TMEFF2: variants seen among roughly 807,000 people sequenced by gnomAD.
TMEFF2 encodes tomoregulin-2.
TMEFF2 carries 28 observed loss-of-function variants against 53.8 expected under a neutral mutation model. The observed-to-expected ratio is 0.52, with a 90% CI of 0.39 to 0.71. The LOEUF (loss-of-function observed/expected upper bound fraction) is 0.71, where lower values mean the gene tolerates loss of function less well. Ranked by LOEUF, TMEFF2 falls within the 30% of genes least tolerant of loss-of-function variation. The probability of loss-of-function intolerance (pLI) is 0.00; values close to 1 mark genes in which losing one functional copy is unlikely to be tolerated. For synonymous variants in TMEFF2, 162 were observed against 166.3 expected (o/e 0.97, Z 0.20); for missense variants, 353 against 455.2 (o/e 0.78, Z 2.04).
At chr2:192,088,719 G>A (rs1353694699) in intron 4 of TMEFF2, among the ~76,000 whole-genome samples, 2 of 151,950 alleles carry the variant, frequency 1.3e-5, no homozygotes, top group African/African-American at 2.4e-5. Flanking sequence ...TTTAATTCAT[G>A]CTATTCCTTT....
At chr2:192,154,284 T>C (rs950350589) in intron 4 of TMEFF2, among the ~76,000 whole-genome samples, 1 of 151,980 alleles carries the variant, frequency 6.6e-6, no homozygotes, top group African/African-American at 2.4e-5. Context: ...CAACTCTCTC[T>C]AGTGAATAGT....
At chr2:192,027,086 A>G (rs970756572) in intron 5 of TMEFF2, among the ~76,000 whole-genome samples, 2 of 152,200 alleles carry the variant, frequency 1.3e-5, no homozygotes, top group Non-Finnish European at 2.9e-5. Context: ...AGATTTTTTA[A>G]GAGGTCAGAA....
chr2:192,091,049 G>A (rs1287053857), intron 4 of TMEFF2, among the ~76,000 whole-genome samples: 2 of 152,094 alleles, frequency 1.3e-5, no homozygotes, highest in African/African-American at 2.4e-5. Context: ...ACACACTCAA[G>A]CTGCCTGCTC....
At chr2:192,085,610 A>G (rs1688652373) in intron 4 of TMEFF2, among the ~76,000 whole-genome samples, 1 of 152,014 alleles carries the variant, frequency 6.6e-6, no homozygotes, top group Non-Finnish European at 1.5e-5. Flanking sequence ...TATCTCAACT[A>G]TGAAATCTTC....
Position 192,048,361 on chromosome 2 carries a change from A to ACACACACACACAC in TMEFF2, c.536+9317_536+9318insGTGTGTGTGTGTG, listed in dbSNP as rs1687676470. Among the ~76,000 whole-genome samples, 1,160 of 143,214 alleles carry ACACACACACACAC rather than the reference A, an allele frequency of 8.1e-3. 15 individuals are homozygous for ACACACACACACAC. Among genetic ancestry groups the ACACACACACACAC allele is most frequent in the African/African-American group, 0.027 (1,045 of 38,296 alleles). The allele number at this position is 143,214 out of a possible 152,430, so 94.0% of individuals were successfully genotyped here. On this transcript the variant is annotated intron_variant, in intron 5 of 9. Transcript: ENST00000272771. ...GTAAAATATTATTAGATTCTCATAA[A>ACACACACACACAC]ACACACACACACACACACACACACA...
At chr2:191,955,246 A>G (rs1185801705) in intron 8 of TMEFF2, among the ~76,000 whole-genome samples, 2 of 151,778 alleles carry the variant, frequency 1.3e-5, no homozygotes, top group Non-Finnish European at 2.9e-5. Flanking sequence ...TGTCACTTGT[A>G]CTTAATGTAA....
intron 4 of TMEFF2, among the ~76,000 whole-genome samples, chr2:192,122,004 CAAT>C (rs1333854705): frequency 6.6e-6 from 1 of 152,054 alleles, no homozygotes; most frequent in Non-Finnish European, 1.5e-5. Context: ...CTTTAGTTAA[CAAT>C]AATTTATTGT....
chr2:192,034,991 C>G (rs188285480), intron 5 of TMEFF2: 9 of 152,294 alleles, frequency 5.9e-5, no homozygotes, highest in African/African-American at 1.4e-4. Flanking sequence ...AACTTGATGT[C>G]TCTTCCTTTT....
Position 192,047,766 on chromosome 2 carries a change from A to C in TMEFF2, c.536+9913T>G, listed in dbSNP as rs147435667. 2.6e-5 allele frequency among the ~76,000 whole-genome samples: 4 copies of C among 152,308 alleles called. No individual in the cohort carries two copies. The East Asian group carries it at 5.8e-4, about 22-fold the overall frequency. ...TTGCATATAATTTTACAATTTGTTC[A>C]ATCATTTATTAGATATTATATGCCC... On this transcript the variant is annotated intron_variant, in intron 5 of 9. Coordinates refer to ENST00000272771, the MANE Select transcript of TMEFF2 (RefSeq NM_016192.4).
At position 192,194,291 on chromosome 2, in the gene TMEFF2, G is replaced by C. The variant is rs1377911995; in HGVS notation, c.172+62C>G. Reference sequence around the variant, plus strand: ...GAGGCGCGCTAGGGTAGGCTGGTCTGTGCTGGATACGCGTGTTCTTCTGCG... The same window carrying C: ...GAGGCGCGCTAGGGTAGGCTGGTCTCTGCTGGATACGCGTGTTCTTCTGCG... On this transcript the variant is annotated intron_variant, in intron 1 of 9. Transcript: ENST00000272771. The surrounding 1 kb of genome is among the most constrained non-coding windows in gnomAD (Gnocchi z 4.2). 22 of 1,593,372 alleles carry C rather than the reference G, an allele frequency of 1.4e-5. No homozygotes were observed. The highest frequency in any genetic ancestry group is 1.0e-4 in the South Asian group (9 of 88,144).
chr2:191,956,061 G>A (rs1692074486), intron 8 of TMEFF2, among the ~76,000 whole-genome samples, 194 bp downstream of exon 8: 2 of 151,878 alleles, frequency 1.3e-5, no homozygotes, highest in Admixed American at 1.3e-4. Flanking sequence ...TGTGTAAGGT[G>A]CACATATTTT....
chr2:192,003,394 A>G (rs1444798905), intron 5 of TMEFF2, among the ~76,000 whole-genome samples: 2 of 152,142 alleles, frequency 1.3e-5, no homozygotes, highest in Non-Finnish European at 2.9e-5. Flanking sequence ...CCAAATTCCT[A>G]TCACTCTCTG....
chr2:191,956,484 G>A (rs79006615), intron 7 of TMEFF2, 106 bp from the exon 8 acceptor site: 22 of 1,247,866 alleles, frequency 1.8e-5, no homozygotes, highest in Admixed American at 5.0e-5. Context: ...ATTTAAAAGG[G>A]CAAGAACTAA....
At chr2:191,998,372 T>C (rs761616717) in intron 6 of TMEFF2, 51 bp from the exon 7 acceptor site, 1 of 1,317,934 alleles carries the variant, frequency 7.6e-7, no homozygotes, top group South Asian at 1.3e-5. Flanking sequence ...CCTAAATATC[T>C]AATATCAAAC....
intron 4 of TMEFF2, among the ~76,000 whole-genome samples, chr2:192,130,522 C>A (rs997822157): frequency 2.0e-5 from 3 of 152,098 alleles, no homozygotes; most frequent in Non-Finnish European, 4.4e-5. Flanking sequence ...GACACTCCAC[C>A]ATTGTGATTT....
chr2:192,147,052 CACTTT>C (rs1393436137), intron 4 of TMEFF2, among the ~76,000 whole-genome samples: 3 of 152,058 alleles, frequency 2.0e-5, no homozygotes, highest in South Asian at 2.1e-4. Flanking sequence ...ATGACAACTG[CACTTT>C]ACTTTAGCCT....
intron 7 of TMEFF2, among the ~76,000 whole-genome samples, chr2:191,966,653 A>C (rs974455923): frequency 6.6e-6 from 1 of 152,236 alleles, no homozygotes; most frequent in Non-Finnish European, 1.5e-5. Flanking sequence ...CAAAACAAAA[A>C]ACAGGCAAAT....
intron 4 of TMEFF2, among the ~76,000 whole-genome samples, chr2:192,086,766 G>A (rs1289382262): frequency 1.3e-5 from 2 of 151,934 alleles, no homozygotes; most frequent in Non-Finnish European, 2.9e-5. Context: ...ATTGTTTTTG[G>A]CCTACATGCA....
chr2:192,069,507 A>C (rs984115146), intron 4 of TMEFF2, among the ~76,000 whole-genome samples: 1 of 151,810 alleles, frequency 6.6e-6, no homozygotes, highest in East Asian at 1.9e-4. Context: ...TCTTACACAA[A>C]ATGAAAAAAA....
Sources: allele counts gnomAD v4.1 joint callset (sites outside exome capture counted in the v4.1 genomes callset), GRCh38; gene constraint gnomAD v4.1.1; non-coding constraint Gnocchi (gnomAD v3.1); transcripts MANE v1.5; gene names NCBI Gene and HGNC (gene_info 2026-07-23, HGNC 2026-07-21).